Variants in DGKI observed in about 807,000 individuals in gnomAD.
DGKI encodes DAG kinase iota.
A neutral mutation model predicts 147.5 loss-of-function variants in DGKI; 55 were observed. The observed-to-expected ratio is 0.37, with a 90% CI of 0.30 to 0.47. The LOEUF is 0.47. Among genes scored for constraint, DGKI ranks in the 20% least tolerant of loss-of-function variants. DGKI has a pLI of 1.00. For synonymous variants in DGKI, 469 were observed against 477.1 expected (o/e 0.98, Z 0.22); for missense variants, 1,007 against 1,323.8 (o/e 0.76, Z 3.71).
At chr7:137,414,048 A>G (rs893219908) in intron 28 of DGKI, among the ~76,000 whole-genome samples, 4 of 152,202 alleles carry the variant, frequency 2.6e-5, no homozygotes, top group Non-Finnish European at 4.4e-5. Context: ...TTTTATTCCT[A>G]TTTGAGTAGT....
At chr7:137,622,374 C>G (rs918813370) in intron 7 of DGKI, among the ~76,000 whole-genome samples, 1 of 152,154 alleles carries the variant, frequency 6.6e-6, no homozygotes, top group Non-Finnish European at 1.5e-5. Flanking sequence ...TTTAACCTCA[C>G]CAAGACACCA....
In DGKI at chr7:137,614,743, G is replaced by A. The variant is rs554074963; in HGVS notation, c.993+5081C>T. Among the ~76,000 whole-genome samples, 8 of 152,114 alleles carry A rather than the reference G, an allele frequency of 5.3e-5. No individual in the cohort carries two copies. In the South Asian group the frequency reaches 1.0e-3, roughly 20 times the overall value. On this transcript the variant is annotated intron_variant, in intron 8 of 32. Transcript: ENST00000614521. ...AGAGCTGCCAATTCCACAGTTGCTC[G>A]TGGAGTAAAAATGAAATATGCGGTT...
intron 1 of DGKI, among the ~76,000 whole-genome samples, chr7:137,724,002 C>T (rs987248886): frequency 6.6e-5 from 10 of 152,192 alleles, no homozygotes; most frequent in Middle Eastern, 3.4e-3. Flanking sequence ...GCCACTGCAC[C>T]TGGCCCATGA....
intron 1 of DGKI, among the ~76,000 whole-genome samples, chr7:137,834,726 A>T (rs933819584): frequency 2.0e-5 from 3 of 152,266 alleles, no homozygotes; most frequent in Admixed American, 2.0e-4. Flanking sequence ...AAGAAAATAC[A>T]TTTGTATAGA....
intron 1 of DGKI, among the ~76,000 whole-genome samples, chr7:137,836,685 T>C (rs1178941140): frequency 2.0e-5 from 3 of 152,206 alleles, no homozygotes; most frequent in African/African-American, 7.2e-5. Flanking sequence ...GGAAACTGGA[T>C]TTATTCCCCC....
chr7:137,737,706 A>C (rs1263135734), intron 1 of DGKI, among the ~76,000 whole-genome samples: 1 of 152,128 alleles, frequency 6.6e-6, no homozygotes, highest in Non-Finnish European at 1.5e-5. Flanking sequence ...AGTTTTTAAG[A>C]AGCTAAGAAT....
chr7:137,535,638 C>A (rs2128958879), intron 20 of DGKI, among the ~76,000 whole-genome samples: 1 of 152,174 alleles, frequency 6.6e-6, no homozygotes, highest in East Asian at 1.9e-4. Context: ...TTGAAGTAAC[C>A]TTTTACTGTA....
At chr7:137,642,517 AT>A (rs1821666797) in intron 6 of DGKI, among the ~76,000 whole-genome samples, 1 of 152,198 alleles carries the variant, frequency 6.6e-6, no homozygotes, top group African/African-American at 2.4e-5. Flanking sequence ...ATCAAATTAC[AT>A]AATTTGAACT....
chr7:137,463,492 A>T lies in DGKI; in HGVS notation c.2732T>A (p.Leu911Gln). 4 of 1,613,974 alleles carry T rather than the reference A, an allele frequency of 2.5e-6. No homozygotes were observed. Among genetic ancestry groups the T allele is most frequent in the Non-Finnish European group, 3.4e-6 (4 of 1,179,996 alleles). The stretch of plus-strand genomic sequence containing the variant: ...AGAACAGCAAGAGAACTCTTACTGT[A>T]GCACGCGGGAGTGGCTGAGATCTTT... ...DLKDLSHSRV[L>Q]QSPVSSEDHA... The change falls in exon 27 of 33, where the codon CTA becomes CAA. Residue 911 changes from leucine (L) to glutamine (Q), a missense_variant. Physicochemically the swap from Leu to Gln is moderately radical, Grantham distance 113. Coordinates refer to ENST00000614521, the MANE Select transcript of DGKI (RefSeq NM_001321708.2).
At chr7:137,836,327 G>C (rs1031757960) in intron 1 of DGKI, among the ~76,000 whole-genome samples, 1 of 152,172 alleles carries the variant, frequency 6.6e-6, no homozygotes, top group Middle Eastern at 3.2e-3. Flanking sequence ...GAACTTTCTA[G>C]GTGTCTCTAA....
At chr7:137,626,485 CAG>C (rs925823607) in intron 6 of DGKI, among the ~76,000 whole-genome samples, 14 of 152,150 alleles carry the variant, frequency 9.2e-5, no homozygotes, top group Admixed American at 8.5e-4. Context: ...CAAGAGGACA[CAG>C]AGTCTAGTGG....
Position 137,489,539 on chromosome 7 carries a change from G to A in DGKI, c.2249-1850C>T, listed in dbSNP as rs1297274951. Among the ~76,000 whole-genome samples, 4 of 152,076 alleles carry A rather than the reference G, an allele frequency of 2.6e-5. 1 individual carries two copies. The South Asian group carries it at 6.2e-4, about 24-fold the overall frequency. On this transcript the variant is annotated intron_variant, in intron 21 of 32. Transcript: ENST00000614521. ...GGAGATCTCCTAAAAATAGTGATTA[G>A]AGTAATCATCTTCAGCTAGACCTAC...
chr7:137,424,945 C>T (rs1469519649), intron 28 of DGKI, among the ~76,000 whole-genome samples: 1 of 152,236 alleles, frequency 6.6e-6, no homozygotes, highest in African/African-American at 2.4e-5. Flanking sequence ...TCTGTAGGCT[C>T]CACCTCTGGG....
intron 23 of DGKI, among the ~76,000 whole-genome samples, chr7:137,472,433 T>C (rs1226436899): frequency 1.4e-5 from 2 of 138,570 alleles, no homozygotes; most frequent in Non-Finnish European, 3.1e-5. Context: ...ATATTATATG[T>C]ACATATACAT....
chr7:137,721,701 G>A (rs1563166509), intron 1 of DGKI, among the ~76,000 whole-genome samples: 1 of 152,112 alleles, frequency 6.6e-6, no homozygotes, highest in Non-Finnish European at 1.5e-5. Context: ...TTTGCCTAAG[G>A]TAAGTCCAAA....
chr7:137,652,854 C>T lies in DGKI; in HGVS notation c.738+1878G>A, dbSNP rs575906081. ...GTGATTCTCAGATATCTCCTATTTCCACTCTCCACGTTCATCTATTCCCAC... is the reference window on the plus strand; with the variant it reads ...GTGATTCTCAGATATCTCCTATTTCTACTCTCCACGTTCATCTATTCCCAC... On this transcript the variant is annotated intron_variant, in intron 5 of 32. Transcript: ENST00000614521. Among the ~76,000 whole-genome samples, 8 of 152,256 alleles carry T rather than the reference C, an allele frequency of 5.3e-5. No homozygotes were observed. The East Asian group carries it at 1.5e-3, about 29-fold the overall frequency.
intron 23 of DGKI, among the ~76,000 whole-genome samples, chr7:137,475,114 G>A (rs1353089259): frequency 6.6e-6 from 1 of 152,116 alleles, no homozygotes; most frequent in Non-Finnish European, 1.5e-5. Flanking sequence ...GGTCTCATGG[G>A]ACACAGGCCA....
intron 1 of DGKI, among the ~76,000 whole-genome samples, chr7:137,749,616 A>C (rs1795439210): frequency 6.6e-6 from 1 of 152,184 alleles, no homozygotes; most frequent in Non-Finnish European, 1.5e-5. Context: ...CTAGGGAGAA[A>C]TGTCTGAAAT....
At chr7:137,792,237 TA>T (rs1326640791) in intron 1 of DGKI, among the ~76,000 whole-genome samples, 1 of 151,678 alleles carries the variant, frequency 6.6e-6, no homozygotes, top group East Asian at 1.9e-4. Context: ...GAGAATGAGA[TA>T]GAGATAAAGT....
Sources: gnomAD v4.1 joint callset for allele counts (sites outside exome capture counted in the v4.1 genomes callset) on GRCh38, gnomAD v4.1.1 for gene constraint, MANE v1.5 for transcripts, NCBI Gene and HGNC (gene_info 2026-07-23, HGNC 2026-07-21) for gene names.